The following TSHZ2 variants were observed in gnomAD, a reference collection of about 807,000 sequenced individuals.
TSHZ2 encodes the protein teashirt homolog 2.
TSHZ2 carries 21 observed loss-of-function variants against 74.4 expected under a neutral mutation model. The observed-to-expected ratio is 0.28, with a 90% CI of 0.20 to 0.41. The LOEUF is 0.41. Ranked by LOEUF, TSHZ2 falls within the 10% of genes least tolerant of loss-of-function variation. TSHZ2 has a pLI of 1.00. For synonymous variants in TSHZ2, 540 were observed against 515.3 expected (o/e 1.05, Z -0.65); for missense variants, 1,244 against 1,293.5 (o/e 0.96, Z 0.59).
At position 53,253,989 on chromosome 20, in the gene TSHZ2, G is replaced by A. The variant is rs1295017126; in HGVS notation, c.531G>A (p.Leu177=). ...ACCAAGACGCTCTGTCCAAAAGCCT[G>A]CAGCAGAACTTGCCTTCTCGGTCCG... ...DWHQDALSKS[L]QQNLPSRSVS... is the part of the protein sequence containing the mutation. Residue 177 remains leucine, a synonymous_variant, in exon 2 of 3, where the codon CTG becomes CTA. Coordinates refer to ENST00000371497, the MANE Select transcript of TSHZ2 (RefSeq NM_173485.6). The A allele has an allele frequency of 2.5e-6, 4 of 1,614,054 alleles. No homozygotes were observed. The highest frequency in any genetic ancestry group is 2.7e-5 in the African/African-American group (2 of 74,936).
chr20:53,310,951 T>A (rs1032402271), intron 2 of TSHZ2, among the ~76,000 whole-genome samples: 3 of 152,224 alleles, frequency 2.0e-5, no homozygotes, highest in Non-Finnish European at 4.4e-5. Flanking sequence ...ATAGGACCAC[T>A]GTAAGAGCCT....
At chr20:53,179,962 A>G (rs1158450339) in intron 1 of TSHZ2, among the ~76,000 whole-genome samples, 1 of 152,372 alleles carries the variant, frequency 6.6e-6, no homozygotes, top group African/African-American at 2.4e-5. Context: ...CGTGATGTTC[A>G]GAATAACCGT....
At chr20:52,980,219 A>G (rs908500809) in intron 1 of TSHZ2, among the ~76,000 whole-genome samples, 1 of 152,238 alleles carries the variant, frequency 6.6e-6, no homozygotes, top group African/African-American at 2.4e-5. Flanking sequence ...GCGGCAGGAT[A>G]AGAAGACAAC....
chr20:53,257,108 T>C (rs891617987), intron 2 of TSHZ2, among the ~76,000 whole-genome samples: 1 of 152,268 alleles, frequency 6.6e-6, no homozygotes, highest in Non-Finnish European at 1.5e-5. Context: ...TGAATGCTTT[T>C]TTGCAGCTTA....
At chr20:53,095,560 T>C (rs1177577625) in intron 1 of TSHZ2, among the ~76,000 whole-genome samples, 2 of 152,124 alleles carry the variant, frequency 1.3e-5, no homozygotes, top group Non-Finnish European at 1.5e-5. Context: ...GCAGCAACAA[T>C]AATAAATTTC....
intron 1 of TSHZ2, among the ~76,000 whole-genome samples, chr20:53,214,694 G>A (rs538836636): frequency 6.6e-6 from 1 of 152,198 alleles, no homozygotes; most frequent in Admixed American, 6.5e-5. Context: ...CTCCAACCTG[G>A]GTGACAGAGC....
intron 2 of TSHZ2, among the ~76,000 whole-genome samples, chr20:53,295,931 A>G (rs994129846): frequency 2.0e-5 from 3 of 151,402 alleles, no homozygotes; most frequent in Non-Finnish European, 4.4e-5. Flanking sequence ...TGCTGCCTCT[A>G]TGGACCTCCT....
intron 1 of TSHZ2, among the ~76,000 whole-genome samples, chr20:53,170,976 A>G (rs575988229): frequency 7.2e-5 from 11 of 152,086 alleles, no homozygotes; most frequent in Non-Finnish European, 1.3e-4. Context: ...ACACAAAAAG[A>G]TATAGTTTCA....
intron 1 of TSHZ2, among the ~76,000 whole-genome samples, chr20:53,079,856 C>T (rs6063906): frequency 1.4e-4 from 21 of 151,192 alleles, no homozygotes; most frequent in South Asian, 6.3e-4. Context: ...AGAAGAGATC[C>T]TGAGGTCCAC....
At chr20:53,133,703 C>A (rs1987166912) in intron 1 of TSHZ2, among the ~76,000 whole-genome samples, 1 of 152,114 alleles carries the variant, frequency 6.6e-6, no homozygotes, top group Non-Finnish European at 1.5e-5. Flanking sequence ...CCAGTGAATT[C>A]TATCGCATTG....
rs1009734758 is a variant in TSHZ2, at chr20:53,276,884, T to G, written c.*8+20313T>G. On this transcript the variant is annotated intron_variant, in intron 2 of 2. Transcript: ENST00000371497. ...TGCTTTTAGCAGCTTTCCTCCTGTC[T>G]TTGAGCCTGTCTGACACTCTGTCCT... Among the ~76,000 whole-genome samples, 36 of 152,232 alleles carry G rather than the reference T, an allele frequency of 2.4e-4. 1 individual carries two copies. The highest frequency in any genetic ancestry group is 8.7e-4 in the African/African-American group (36 of 41,466).
At chr20:53,149,461 AAG>A (rs1267667488) in intron 1 of TSHZ2, among the ~76,000 whole-genome samples, 3 of 152,130 alleles carry the variant, frequency 2.0e-5, no homozygotes, top group South Asian at 4.1e-4. Context: ...GAGTGAGAGA[AAG>A]AGGGGGAGGA....
intron 2 of TSHZ2, among the ~76,000 whole-genome samples, chr20:53,465,374 G>T (rs955319858): frequency 6.6e-6 from 1 of 152,106 alleles, no homozygotes; most frequent in Admixed American, 6.5e-5. Flanking sequence ...GGGTTCAAGA[G>T]ATTCTCCTGT....
intron 1 of TSHZ2, among the ~76,000 whole-genome samples, chr20:53,063,606 G>T (rs550863883): frequency 1.6e-4 from 24 of 152,174 alleles, no homozygotes; most frequent in Admixed American, 6.5e-4. Flanking sequence ...TTATTTTGGA[G>T]CATATTTTTC....
chr20:53,285,458 C>G (rs1991147070), intron 2 of TSHZ2, among the ~76,000 whole-genome samples: 1 of 152,042 alleles, frequency 6.6e-6, no homozygotes, highest in African/African-American at 2.4e-5. Flanking sequence ...CGCTTGTATC[C>G]CAGCATTCTG....
At chr20:52,999,288 G>A (rs1210986607) in intron 1 of TSHZ2, among the ~76,000 whole-genome samples, 1 of 152,206 alleles carries the variant, frequency 6.6e-6, no homozygotes, top group East Asian at 1.9e-4. Flanking sequence ...GCAGTAATGA[G>A]TAAGATCCAT....
intron 1 of TSHZ2, among the ~76,000 whole-genome samples, chr20:53,093,202 A>T (rs1390871094): frequency 1.1e-4 from 16 of 152,208 alleles, no homozygotes; most frequent in Admixed American, 1.0e-3. Flanking sequence ...TATTGGGAGA[A>T]TCTAACGAGG....
intron 1 of TSHZ2, among the ~76,000 whole-genome samples, chr20:53,095,176 C>G (rs537766805): frequency 3.9e-5 from 6 of 152,266 alleles, no homozygotes; most frequent in African/African-American, 1.4e-4. Flanking sequence ...TTTGGTTTCT[C>G]TCTATATATT....
chr20:53,204,478 G>A (rs1432012601), intron 1 of TSHZ2, among the ~76,000 whole-genome samples: 2 of 151,030 alleles, frequency 1.3e-5, no homozygotes, highest in Non-Finnish European at 2.9e-5. Flanking sequence ...ATAAGATATA[G>A]TTATATAAAT....
Sources: gnomAD v4.1 joint callset for allele counts (sites outside exome capture counted in the v4.1 genomes callset) on GRCh38, gnomAD v4.1.1 for gene constraint, MANE v1.5 for transcripts, NCBI Gene and HGNC (gene_info 2026-07-23, HGNC 2026-07-21) for gene names.